PLCG1: variants seen among roughly 807,000 people sequenced by gnomAD.
The protein encoded by PLCG1 is phospholipase C gamma 1, also known as 1-phosphatidylinositol 4,5-bisphosphate phosphodiesterase gamma-1.
A neutral mutation model predicts 177.8 loss-of-function variants in PLCG1; 71 were observed. The observed-to-expected ratio is 0.40, with a 90% CI of 0.33 to 0.49. The LOEUF (loss-of-function observed/expected upper bound fraction) is 0.49. Ranked by LOEUF, PLCG1 falls within the 20% of genes least tolerant of loss-of-function variation. PLCG1 has a pLI of 0.72. For synonymous variants in PLCG1, 658 were observed against 647.9 expected, an observed-to-expected ratio of 1.02 and a Z score of -0.24; for missense variants, 1,281 against 1,709.0, an observed-to-expected ratio of 0.75 and a Z score of 4.42.
At position 41,174,270 on chromosome 20, in the gene PLCG1, C is replaced by T. The variant is rs2035993686; in HGVS notation, c.3792C>T (p.Ser1264=). The change falls in exon 31 of 32, where the codon TCC becomes TCT. Residue 1264 remains serine (S), a synonymous_variant. Coordinates refer to ENST00000685551, the MANE Select transcript of PLCG1 (RefSeq NM_002660.3). The surrounding 1 kb of genome is among the most constrained non-coding windows in gnomAD (Gnocchi z 5.8). ...YQQPFEDFRI[S]QEHLADHFDS... ...AGCCGTTTGAGGACTTCCGCATCTC[C>T]CAGGAGCATCTCGCAGACCATTTTG... 2 of 1,614,222 alleles carry T rather than the reference C, an allele frequency of 1.2e-6. No individual in the cohort carries two copies. The highest frequency in any genetic ancestry group is 4.5e-5 in the East Asian group (2 of 44,890).
In PLCG1 at chr20:41,174,049, G is replaced by A; in HGVS notation, c.3645+38G>A. On this transcript the variant is annotated intron_variant, in intron 30 of 31. Coordinates refer to ENST00000685551, the MANE Select transcript of PLCG1 (RefSeq NM_002660.3). The surrounding 1 kb of genome is among the most constrained non-coding windows in gnomAD (Gnocchi z 5.8). ...GGGGTGGGCTGGCCTGGGGTAGGTGGGAGGAGAGCCAGGCAGCAGCCTCTA... is the reference window on the plus strand; with the variant it reads ...GGGGTGGGCTGGCCTGGGGTAGGTGAGAGGAGAGCCAGGCAGCAGCCTCTA... 6.2e-7 allele frequency: 1 copy of A among 1,606,414 alleles called. No individual in the cohort carries two copies. The highest frequency in any genetic ancestry group is 1.7e-5 in the Admixed American group (1 of 60,002).
Position 41,164,843 on chromosome 20 carries a change from C to A in PLCG1, c.1218-90C>A. 4 of 1,297,238 alleles carry A rather than the reference C, an allele frequency of 3.1e-6. No homozygotes were observed. The highest frequency in any genetic ancestry group is 1.5e-5 in the African/African-American group (1 of 67,816). 80.4% of individuals were successfully genotyped at this position (1,297,238 alleles called of 1,614,324 possible). A position where few individuals can be genotyped will look rare whatever the true frequency, so the allele number is the denominator to read the frequency against. On this transcript the variant is annotated intron_variant, in intron 12 of 31. Transcript: ENST00000685551. This position sits in a 1 kb window ranked among gnomAD's most constrained non-coding sequence, Gnocchi z 6.4. ...TTTTTACAGACAAGAAGCCCCCAGGCCCTTGGCTTCCAACAGCTCACTGTG... is the reference window on the plus strand; with the variant it reads ...TTTTTACAGACAAGAAGCCCCCAGGACCTTGGCTTCCAACAGCTCACTGTG...
chr20:41,138,413 TG>T (rs1375481899), intron 1 of PLCG1, among the ~76,000 whole-genome samples: 2 of 151,242 alleles, frequency 1.3e-5, no homozygotes, highest in African/African-American at 4.9e-5. Flanking sequence ...CATCTCCCTC[TG>T]GGGGAGAGGG....
Position 41,164,333 on chromosome 20 carries a change from TGG to T in PLCG1, c.1217+133_1217+134del. On this transcript the variant is annotated intron_variant, in intron 12 of 31. Transcript: ENST00000685551. The surrounding 1 kb of genome is among the most constrained non-coding windows in gnomAD (Gnocchi z 6.4). ...AGCCTTTCATCTTTGTCCTTCCTCT[TGG>T]CCTCTCCTCGTCACCTGCTCCCTGC... The T allele has an allele frequency of 3.3e-6, 3 of 896,426 alleles. No individual in the cohort carries two copies. Among genetic ancestry groups the T allele is most frequent in the South Asian group, 1.6e-5 (1 of 62,282 alleles). 55.5% of individuals were successfully genotyped at this position (896,426 alleles called of 1,614,324 possible). A position where few individuals can be genotyped will look rare whatever the true frequency, so the allele number is the denominator to read the frequency against.
rs374855920 is a variant in PLCG1, at chr20:41,166,468, G to A, written c.2001-8G>A. The A allele has an allele frequency of 6.2e-7, 1 of 1,614,034 alleles. No individual in the cohort carries two copies. The highest frequency in any genetic ancestry group is 8.5e-7 in the Non-Finnish European group (1 of 1,180,026). On this transcript the variant is annotated splice_region_variant and splice_polypyrimidine_tract_variant and intron_variant, in intron 17 of 31. Transcript: ENST00000685551. The surrounding 1 kb of genome is among the most constrained non-coding windows in gnomAD (Gnocchi z 8.6). Reference sequence around the variant, plus strand: ...GTGCTGGCCGGGCCTGACTCTGCCTGTTCTCAGGTGGTACCACGCGAGCCT... The same window carrying A: ...GTGCTGGCCGGGCCTGACTCTGCCTATTCTCAGGTGGTACCACGCGAGCCT...
Position 41,167,615 on chromosome 20 carries a change from T to C in PLCG1, c.2302-237T>C. On this transcript the variant is annotated intron_variant, in intron 19 of 31. Transcript: ENST00000685551. This position sits in a 1 kb window ranked among gnomAD's most constrained non-coding sequence, Gnocchi z 4.4. ...CTTGGGAGTTTGGGCATTTAGGACC[T>C]GAGAGATTTTAGAATCCTGGGCTGG... 1 of 548,404 alleles carries C rather than the reference T, an allele frequency of 1.8e-6. No homozygotes were observed. Among genetic ancestry groups the C allele is most frequent in the Non-Finnish European group, 3.3e-6 (1 of 306,592 alleles). The allele number at this position is 548,404 out of a possible 1,614,324, so 34.0% of individuals were successfully genotyped here.
intron 20 of PLCG1, among the ~76,000 whole-genome samples, chr20:41,168,164 G>A (rs1027934675): frequency 1.3e-5 from 2 of 152,210 alleles, no homozygotes; most frequent in African/African-American, 4.8e-5. Flanking sequence ...AACTGCTCCT[G>A]TGGGTGACCC....
chr20:41,157,709 C>T lies in PLCG1; in HGVS notation c.218-1897C>T, dbSNP rs564446752. ...AAGGGAGCCGGGGAGGTGGACATTTCCAGACTAGGAATCAAGATGAAATAG... is the reference window on the plus strand; with the variant it reads ...AAGGGAGCCGGGGAGGTGGACATTTTCAGACTAGGAATCAAGATGAAATAG... On this transcript the variant is annotated intron_variant, in intron 1 of 31. Coordinates refer to ENST00000685551, the MANE Select transcript of PLCG1 (RefSeq NM_002660.3). This position sits in a 1 kb window ranked among gnomAD's most constrained non-coding sequence, Gnocchi z 5.4. Among the ~76,000 whole-genome samples, 1 of 152,246 alleles carries T rather than the reference C, an allele frequency of 6.6e-6. No individual in the cohort carries two copies. Among genetic ancestry groups the T allele is most frequent in the African/African-American group, 2.4e-5 (1 of 41,544 alleles).
At chr20:41,168,550 G>A (rs2035780997) in intron 20 of PLCG1, among the ~76,000 whole-genome samples, 1 of 152,214 alleles carries the variant, frequency 6.6e-6, no homozygotes, top group Admixed American at 6.5e-5. Context: ...GTATTTCACT[G>A]GCAGAGGCCC....
chr20:41,165,270 C>T lies in PLCG1; in HGVS notation c.1412C>T (p.Ala471Val). The T allele has an allele frequency of 1.2e-6, 2 of 1,614,088 alleles. No individual in the cohort carries two copies. Among genetic ancestry groups the T allele is most frequent in the Non-Finnish European group, 1.7e-6 (2 of 1,180,008 alleles). Reference sequence around the variant, plus strand: ...CACAAGAAGCTGGCTGAGGGCAGTGCCTACGAGGAGGTGCCTACATCCATG... The same window carrying T: ...CACAAGAAGCTGGCTGAGGGCAGTGTCTACGAGGAGGTGCCTACATCCATG... ...IKHKKLAEGS[A>V]YEEVPTSMMY... Residue 471 changes from alanine (A) to valine (V), a missense_variant, in exon 14 of 32, where the codon GCC becomes GTC. Around this residue, in one of 4 missense-constraint regions of PLCG1, gnomAD observed 723 missense variants for 1,030.0 expected, o/e 0.70. Coordinates refer to ENST00000685551, the MANE Select transcript of PLCG1 (RefSeq NM_002660.3). This position sits in a 1 kb window ranked among gnomAD's most constrained non-coding sequence, Gnocchi z 6.6.
chr20:41,173,011 CTT>C lies in PLCG1; in HGVS notation c.3279+136_3279+137del, dbSNP rs1180416916. 3.6e-6 allele frequency: 3 copies of C among 837,912 alleles called. No individual in the cohort carries two copies. The African/African-American group carries it at 5.1e-5, about 14-fold the overall frequency. The allele number at this position is 837,912 out of a possible 1,614,324, so 51.9% of individuals were successfully genotyped here. ...AGGGTGGGTGGGGCCTGAGCTGAGTCTTTGAAGGGGTGAAGATAGCATGCAGT... is the reference window on the plus strand; with the variant it reads ...AGGGTGGGTGGGGCCTGAGCTGAGTCTGAAGGGGTGAAGATAGCATGCAGT... On this transcript the variant is annotated intron_variant, in intron 27 of 31. Coordinates refer to ENST00000685551, the MANE Select transcript of PLCG1 (RefSeq NM_002660.3). The surrounding 1 kb of genome is among the most constrained non-coding windows in gnomAD (Gnocchi z 6.2).
chr20:41,166,555 C>T lies in PLCG1; in HGVS notation c.2080C>T (p.Arg694Trp), dbSNP rs2035700792. ...RVPRDGAFLV[R>W]KRNEPNSYAI... ...CCCTCGTGATGGGGCCTTCCTGGTG[C>T]GGAAGCGGAATGAACCCAACTCATA... is the stretch of plus-strand genomic sequence containing the variant. The change falls in exon 18 of 32, where the codon CGG becomes TGG. Residue 694 changes from arginine (R) to tryptophan (W), a missense_variant. By Grantham distance (101) the Arg-to-Trp change is moderately radical (BLOSUM62 -3). Transcript: ENST00000685551. This position sits in a 1 kb window ranked among gnomAD's most constrained non-coding sequence, Gnocchi z 8.6. The T allele has an allele frequency of 6.2e-7, 1 of 1,614,150 alleles. No homozygotes were observed. The highest frequency in any genetic ancestry group is 8.5e-7 in the Non-Finnish European group (1 of 1,180,028).
At chr20:41,141,582 C>G (rs1383858379) in intron 1 of PLCG1, among the ~76,000 whole-genome samples, 1 of 152,276 alleles carries the variant, frequency 6.6e-6, no homozygotes, top group Non-Finnish European at 1.5e-5. Context: ...TTTCTTTGTA[C>G]TGGCTGTTAC....
intron 1 of PLCG1, 188 bp downstream of exon 1, chr20:41,138,046 C>T (rs2034660578): frequency 5.1e-6 from 2 of 394,858 alleles, no homozygotes; most frequent in Admixed American, 4.5e-5. Context: ...TCCGGGTCCT[C>T]GGTCACCTGA....
chr20:41,173,711 C>T lies in PLCG1; in HGVS notation c.3454C>T (p.Pro1152Ser), dbSNP rs148020473. 8 of 1,614,000 alleles carry T rather than the reference C, an allele frequency of 5.0e-6. No homozygotes were observed. Among genetic ancestry groups the T allele is most frequent in the Non-Finnish European group, 5.9e-6 (7 of 1,180,022 alleles). ...GCCCTTCCACTTCCAGATCAGTAAC[C>T]CTGAATTTGCCTTTCTGCGCTTCGT... ...AKPFHFQISN[P>S]EFAFLRFVVY... The change falls in exon 29 of 32, where the codon CCT becomes TCT. Residue 1152 changes from proline to serine, a missense_variant. Physicochemically the swap from Pro to Ser is moderately conservative, Grantham distance 74. This residue lies in a region of PLCG1 where 723 missense variants were observed against 1,030.0 expected (regional missense o/e 0.70). Transcript: ENST00000685551. The surrounding 1 kb of genome is among the most constrained non-coding windows in gnomAD (Gnocchi z 6.2).
chr20:41,141,773 C>G (rs760183521), intron 1 of PLCG1, among the ~76,000 whole-genome samples: 25 of 152,242 alleles, frequency 1.6e-4, no homozygotes, highest in Non-Finnish European at 3.2e-4. Context: ...CTGGGATCCT[C>G]TGTTTCCTGT....
rs1277814801 is a variant in PLCG1 at position 41,174,717 on chromosome 20, G to C, written c.*208G>C. ...CCTCCATGCCCCAGCTCTGGATGAA[G>C]GCAAAAACTGTACTGTGTTTCGCAT... On this transcript the variant is annotated 3_prime_UTR_variant, in exon 32 of 32. Coordinates refer to ENST00000685551, the MANE Select transcript of PLCG1 (RefSeq NM_002660.3). This position sits in a 1 kb window ranked among gnomAD's most constrained non-coding sequence, Gnocchi z 5.8. 8.4e-6 allele frequency: 5 copies of C among 592,158 alleles called. No individual in the cohort carries two copies. The allele number at this position is 592,158 out of a possible 1,614,324, so 36.7% of individuals were successfully genotyped here.
At chr20:41,141,186 CTG>C (rs1382820827) in intron 1 of PLCG1, among the ~76,000 whole-genome samples, 3 of 152,148 alleles carry the variant, frequency 2.0e-5, no homozygotes, top group African/African-American at 4.8e-5. Context: ...GGTGTAGACA[CTG>C]TGGAGGTACT....
rs2035470473 is a variant in PLCG1, at chr20:41,160,827, G to A, written c.512+674G>A. Among the ~76,000 whole-genome samples the A allele has an allele frequency of 6.6e-6, 1 of 152,196 alleles. No homozygotes were observed. ...ATTTTGGGGTGTGAGAGGCATTGAG[G>A]ATAATAGTATGCTGTTTGGCTTGAG... On this transcript the variant is annotated intron_variant, in intron 4 of 31. Coordinates refer to ENST00000685551, the MANE Select transcript of PLCG1 (RefSeq NM_002660.3). This position sits in a 1 kb window ranked among gnomAD's most constrained non-coding sequence, Gnocchi z 5.5.
Sources: gnomAD v4.1 joint callset for allele counts (sites outside exome capture counted in the v4.1 genomes callset) on GRCh38, gnomAD v4.1.1 for gene constraint, gnomAD v4.1.1 regional missense constraint, Gnocchi (gnomAD v3.1) non-coding constraint, MANE v1.5 for transcripts, NCBI Gene and HGNC (gene_info 2026-07-23, HGNC 2026-07-21) for gene names.